Variants in TRAF2 observed in about 807,000 individuals in gnomAD.
The protein encoded by TRAF2 is TNF receptor-associated factor 2.
TRAF2 carries 6 observed loss-of-function variants against 55.6 expected under a neutral mutation model. The observed-to-expected ratio is 0.11, with a 90% CI of 0.06 to 0.21. The LOEUF (loss-of-function observed/expected upper bound fraction) is 0.21, where lower values mean the gene tolerates loss of function less well. Ranked by LOEUF, TRAF2 falls within the 10% of genes least tolerant of loss-of-function variation. TRAF2 has a pLI of 1.00. For missense variants in TRAF2, 561 were observed against 684.5 expected (o/e 0.82, Z 2.01); for synonymous variants, 329 against 276.3 (o/e 1.19, Z -1.89).
intron 4 of TRAF2, chr9:136,902,463 T>A (rs943396306): frequency 6.6e-6 from 1 of 152,252 alleles, no homozygotes. Context: ...ACCTCCAGGC[T>A]CATGGGATGC....
Position 136,916,626 on chromosome 9 carries a change from G to A in TRAF2, c.678+11G>A. Reference sequence around the variant, plus strand: ...GGCTGCCTCGAGACGGTGAGTCGGGGGGTCTGAGGTTGGGGGCCACCCCTC... The same window carrying A: ...GGCTGCCTCGAGACGGTGAGTCGGGAGGTCTGAGGTTGGGGGCCACCCCTC... On this transcript the variant is annotated intron_variant, in intron 7 of 10. Coordinates refer to ENST00000247668, the MANE Select transcript of TRAF2 (RefSeq NM_021138.4). 6.2e-7 allele frequency: 1 copy of A among 1,613,406 alleles called. No individual in the cohort carries two copies. The highest frequency in any genetic ancestry group is 8.5e-7 in the Non-Finnish European group (1 of 1,179,814).
At chr9:136,893,431 A>G (rs1265376794) in intron 1 of TRAF2, among the ~76,000 whole-genome samples, 2 of 152,194 alleles carry the variant, frequency 1.3e-5, no homozygotes, top group Non-Finnish European at 2.9e-5. Context: ...GTTTCTCAAG[A>G]GTCAGCCCTA....
intron 4 of TRAF2, among the ~76,000 whole-genome samples, chr9:136,905,171 G>A (rs896913165): frequency 6.6e-6 from 1 of 152,170 alleles, no homozygotes; most frequent in Non-Finnish European, 1.5e-5. Context: ...TGGAGCTGCT[G>A]ACCCCCACTC....
upstream of TRAF2, among the ~76,000 whole-genome samples, chr9:136,885,729 C>T (rs1418656036): frequency 1.3e-5 from 2 of 151,902 alleles, no homozygotes; most frequent in African/African-American, 4.8e-5. Flanking sequence ...GATCGCGCCA[C>T]TGAACTCCAG....
chr9:136,885,403 G>A (rs1392833613), upstream of TRAF2, among the ~76,000 whole-genome samples: 1 of 152,134 alleles, frequency 6.6e-6, no homozygotes, highest in Admixed American at 6.6e-5. Context: ...CCGCCAGAGA[G>A]AACCTGCTGC....
intron 7 of TRAF2, among the ~76,000 whole-genome samples, chr9:136,918,810 A>C (rs1016422396): frequency 6.6e-6 from 1 of 151,656 alleles, no homozygotes; most frequent in Non-Finnish European, 1.5e-5. Flanking sequence ...ATCTCGGCTC[A>C]CTGCAGCCTC....
chr9:136,905,416 A>G (rs115934245), intron 4 of TRAF2, among the ~76,000 whole-genome samples: 6 of 152,298 alleles, frequency 3.9e-5, no homozygotes, highest in African/African-American at 1.2e-4. Flanking sequence ...TTGAGAGCCA[A>G]TAGATGGTGC....
intron 1 of TRAF2, among the ~76,000 whole-genome samples, chr9:136,895,384 G>C (rs1331432762): frequency 2.6e-5 from 4 of 152,236 alleles, no homozygotes; most frequent in Non-Finnish European, 1.5e-5. Flanking sequence ...AAGGACAGCA[G>C]AGCAGGTGTG....
chr9:136,888,975 T>C (rs765256665), intron 1 of TRAF2, among the ~76,000 whole-genome samples: 2 of 151,116 alleles, frequency 1.3e-5, no homozygotes, highest in African/African-American at 4.9e-5. Flanking sequence ...ACGCTATTCT[T>C]CTGCCTCAGC....
intron 7 of TRAF2, among the ~76,000 whole-genome samples, chr9:136,917,865 T>C (rs1850278102): frequency 1.3e-5 from 2 of 152,250 alleles, no homozygotes; most frequent in East Asian, 3.9e-4. Flanking sequence ...GGAGGTTGCG[T>C]AGTGACCACC....
intron 8 of TRAF2, among the ~76,000 whole-genome samples, chr9:136,920,780 C>T (rs914628859): frequency 1.3e-5 from 2 of 152,202 alleles, no homozygotes; most frequent in Non-Finnish European, 2.9e-5. Context: ...AGGGCAGAGT[C>T]AGCCATGGAT....
chr9:136,920,091 C>T (rs1850347704), intron 7 of TRAF2, 143 bp from the exon 8 acceptor site: 3 of 1,035,572 alleles, frequency 2.9e-6, no homozygotes, highest in Non-Finnish European at 4.1e-6. Context: ...GAAGGATCAG[C>T]CATGACCAGG....
intron 6 of TRAF2, among the ~76,000 whole-genome samples, chr9:136,913,149 AAAC>A (rs1166581132): frequency 1.3e-5 from 2 of 152,158 alleles, no homozygotes; most frequent in African/African-American, 4.8e-5. Flanking sequence ...TCTCAAAAAA[AAAC>A]AATAAACAAA....
intron 3 of TRAF2, among the ~76,000 whole-genome samples, chr9:136,900,183 G>GA: frequency 1.1e-5 from 1 of 94,138 alleles, no homozygotes; most frequent in East Asian, 2.7e-4. Flanking sequence ...AAAAAAAAAA[G>GA]AATAAAGGGC....
At chr9:136,915,675 A>G (rs1850224256) in intron 6 of TRAF2, among the ~76,000 whole-genome samples, 1 of 152,054 alleles carries the variant, frequency 6.6e-6, no homozygotes, top group Non-Finnish European at 1.5e-5. Flanking sequence ...TATGGGTGGC[A>G]AGGGACAGCA....
intron 7 of TRAF2, among the ~76,000 whole-genome samples, chr9:136,918,231 A>T (rs1017328860): frequency 2.5e-5 from 1 of 40,638 alleles, no homozygotes; most frequent in Non-Finnish European, 4.3e-5. Context: ...TTTTGTTTAT[A>T]TATATATATA....
intron 9 of TRAF2, among the ~76,000 whole-genome samples, chr9:136,922,214 C>G (rs1850403371): frequency 6.6e-6 from 1 of 152,168 alleles, no homozygotes; most frequent in African/African-American, 2.4e-5. Flanking sequence ...CAGCAGGGAC[C>G]AGAAACAAAA....
At chr9:136,922,679 G>T (rs1454262088) in intron 9 of TRAF2, among the ~76,000 whole-genome samples, 1 of 135,904 alleles carries the variant, frequency 7.4e-6, no homozygotes, top group Non-Finnish European at 1.6e-5. Context: ...GCCTGGGGGC[G>T]TGTGGAGGAC....
chr9:136,902,835 A>G (rs750047150), intron 4 of TRAF2, among the ~76,000 whole-genome samples: 2 of 152,110 alleles, frequency 1.3e-5, no homozygotes, highest in African/African-American at 2.4e-5. Context: ...CTTATTGTAA[A>G]CACAGTACGG....
Sources: allele counts gnomAD v4.1 joint callset (sites outside exome capture counted in the v4.1 genomes callset), GRCh38; gene constraint gnomAD v4.1.1; transcripts MANE v1.5; gene names NCBI Gene and HGNC (gene_info 2026-07-23, HGNC 2026-07-21).